ERVK3-1: variants seen among roughly 807,000 people sequenced by gnomAD.
ERVK3-1 encodes the protein HERV-K(HML6-1).
At chr19:58,306,000 A>T (rs1361253055) in intron 1 of ERVK3-1, 88 bp from the exon 2 acceptor site, 9 of 152,190 alleles carry the variant, frequency 5.9e-5, no homozygotes, top group Admixed American at 5.2e-4. Context: ...TGTTCCCTAG[A>T]ATCTAGGAGC....
downstream of ERVK3-1, among the ~76,000 whole-genome samples, chr19:58,315,934 G>A (rs1026250686): frequency 1.3e-5 from 2 of 152,194 alleles, no homozygotes; most frequent in African/African-American, 2.4e-5. Context: ...AAACAAACCT[G>A]TCTCTGCAAG....
At chr19:58,311,880 A>T (rs1477778922) in intron 2 of ERVK3-1, 1 of 238,090 alleles carries the variant, frequency 4.2e-6, no homozygotes, top group South Asian at 1.8e-4. Flanking sequence ...AGGGCCAGGC[A>T]TTATTGAGCG....
chr19:58,314,794 G>C, exon 4 of ERVK3-1: 1 of 400,118 alleles, frequency 2.5e-6, no homozygotes. Flanking sequence ...AAGCTGCACA[G>C]CCTGAAATTA....
Position 58,310,815 on chromosome 19 carries a change from AG to A in ERVK3-1, c.-3-1348del. ...AGCAGAGTCTTCTCTAACCTCCCCCAGGGAAAGGGAGACCGCCCCCCACCCT... is the reference window on the plus strand; with the variant it reads ...AGCAGAGTCTTCTCTAACCTCCCCCAGGAAAGGGAGACCGCCCCCCACCCT... On this transcript the variant is annotated intron_variant, in intron 2 of 3. Transcript: ENST00000413518. This position sits in a 1 kb window ranked among gnomAD's most constrained non-coding sequence, Gnocchi z 4.7. 2.8e-6 allele frequency: 1 copy of A among 355,696 alleles called. No homozygotes were observed. The highest frequency in any genetic ancestry group is 2.0e-5 in the South Asian group (1 of 49,060). The allele number at this position is 355,696 out of a possible 1,614,324, so 22.0% of individuals were successfully genotyped here.
Position 58,312,495 on chromosome 19 carries a change from T to G in ERVK3-1, c.294+33T>G. 1 of 399,866 alleles carries G rather than the reference T, an allele frequency of 2.5e-6. No homozygotes were observed. Among genetic ancestry groups the G allele is most frequent in the Non-Finnish European group, 4.4e-6 (1 of 226,054 alleles). The allele number at this position is 399,866 out of a possible 1,614,324, so 24.8% of individuals were successfully genotyped here. On this transcript the variant is annotated intron_variant, in intron 3 of 3. Transcript: ENST00000413518. The surrounding 1 kb of genome is among the most constrained non-coding windows in gnomAD (Gnocchi z 4.7). ...TCCCCTGTGTAGAGGCAAAAACATA[T>G]TGGGCATATGTTCCTAACCCACTGG...
Position 58,312,333 on chromosome 19 carries a change from A to T in ERVK3-1, c.165A>T (p.Thr55=). The change falls in exon 3 of 4, where the codon ACA becomes ACT. Residue 55 remains threonine, a synonymous_variant. Transcript: ENST00000413518. The surrounding 1 kb of genome is among the most constrained non-coding windows in gnomAD (Gnocchi z 4.7). ...AAGGGCCGACCGGAGTCACAATGAC[A>T]TCCAACCCCATAACATGGGGACAGA... The T allele has an allele frequency of 2.5e-6, 1 of 400,230 alleles. No individual in the cohort carries two copies. Among genetic ancestry groups the T allele is most frequent in the East Asian group, 3.6e-5 (1 of 28,070 alleles). The allele number at this position is 400,230 out of a possible 1,614,324, so 24.8% of individuals were successfully genotyped here.
intron 3 of ERVK3-1, among the ~76,000 whole-genome samples, chr19:58,314,403 GAT>G (rs1387764833): frequency 6.6e-6 from 1 of 152,030 alleles, no homozygotes; most frequent in Non-Finnish European, 1.5e-5. Flanking sequence ...GAGGCAGGCA[GAT>G]CACGAGGTCA....
At chr19:58,308,498 A>G (rs2051538289) in intron 2 of ERVK3-1, among the ~76,000 whole-genome samples, 1 of 152,200 alleles carries the variant, frequency 6.6e-6, no homozygotes, top group Admixed American at 6.6e-5. Flanking sequence ...GCTGAGATTT[A>G]CTTACAGCAT....
At position 58,313,586 on chromosome 19, in the gene ERVK3-1, C is replaced by T. The variant is rs536185448; in HGVS notation, c.294+1124C>T. On this transcript the variant is annotated intron_variant, in intron 3 of 3. Coordinates refer to ENST00000413518, the Ensembl canonical transcript of ERVK3-1. This position sits in a 1 kb window ranked among gnomAD's most constrained non-coding sequence, Gnocchi z 4.5. The stretch of plus-strand genomic sequence containing the variant: ...GATTACAGGCGTGAGCCACCATGCC[C>T]GGCCAGTTTGTGTTTTTAATCCCTA... Among the ~76,000 whole-genome samples the T allele has an allele frequency of 8.3e-4, 127 of 152,308 alleles. 1 individual carries two copies. Among genetic ancestry groups the T allele is most frequent in the African/African-American group, 2.8e-3 (116 of 41,570 alleles).
Position 58,310,574 on chromosome 19 carries a change from G to A in ERVK3-1, c.-3-1592G>A, listed in dbSNP as rs2051550408. 1 of 155,752 alleles carries A rather than the reference G, an allele frequency of 6.4e-6. No individual in the cohort carries two copies. The highest frequency in any genetic ancestry group is 6.5e-5 in the Admixed American group (1 of 15,456). The allele number at this position is 155,752 out of a possible 1,614,324, so 9.6% of individuals were successfully genotyped here. The stretch of plus-strand genomic sequence containing the variant: ...GAGAGGGAGAGGAGACAGAGAGAAA[G>A]ACAGCTTACGCCATTATTTCTGCAT... On this transcript the variant is annotated intron_variant, in intron 2 of 3. Transcript: ENST00000413518. This position sits in a 1 kb window ranked among gnomAD's most constrained non-coding sequence, Gnocchi z 4.7.
At chr19:58,307,725 A>T (rs1162768148) in intron 2 of ERVK3-1, among the ~76,000 whole-genome samples, 1 of 150,756 alleles carries the variant, frequency 6.6e-6, no homozygotes, top group Non-Finnish European at 1.5e-5. Flanking sequence ...TCAAAATTTC[A>T]TCAGAATGGC....
rs1218180420 is a variant in ERVK3-1, at chr19:58,312,935, C to T, written c.294+473C>T. On this transcript the variant is annotated intron_variant, in intron 3 of 3. Transcript: ENST00000413518. This position sits in a 1 kb window ranked among gnomAD's most constrained non-coding sequence, Gnocchi z 4.7. ...AATGGGAAACATTGACTGGGGTCCCCGTGGCCATTTAGAGGGGAGAGATGA... is the reference window on the plus strand; with the variant it reads ...AATGGGAAACATTGACTGGGGTCCCTGTGGCCATTTAGAGGGGAGAGATGA... The T allele has an allele frequency of 6.6e-6, 1 of 152,482 alleles. No individual in the cohort carries two copies. Among genetic ancestry groups the T allele is most frequent in the Non-Finnish European group, 1.5e-5 (1 of 68,248 alleles). 9.4% of individuals were successfully genotyped at this position (152,482 alleles called of 1,614,324 possible). A position where few individuals can be genotyped will look rare whatever the true frequency, so the allele number is the denominator to read the frequency against.
chr19:58,307,794 C>G (rs2051533960), intron 2 of ERVK3-1, among the ~76,000 whole-genome samples: 1 of 152,202 alleles, frequency 6.6e-6, no homozygotes, highest in Non-Finnish European at 1.5e-5. Flanking sequence ...AGGGCATTCC[C>G]CATCCAGGCC....
intron 2 of ERVK3-1, chr19:58,309,157 G>A (rs543867942): frequency 2.6e-5 from 4 of 152,242 alleles, no homozygotes; most frequent in East Asian, 1.9e-4. Flanking sequence ...ACAGTCCTAC[G>A]TTATGTCAGC....
chr19:58,306,014 CT>C (rs1218265917), intron 1 of ERVK3-1, 73 bp from the exon 2 acceptor site: 3 of 152,338 alleles, frequency 2.0e-5, no homozygotes, highest in South Asian at 2.1e-4. Context: ...TAGGAGCCCC[CT>C]GACCCCTTCT....
In ERVK3-1 at chr19:58,307,614, C is replaced by G. The variant is rs568947352; in HGVS notation, c.-4+1398C>G. On this transcript the variant is annotated intron_variant, in intron 2 of 3. Transcript: ENST00000413518. ...ATCTTACAATGCAATACCGCCCCCC[C>G]CTCCCCGCCCCGCTCCCCCCAACAC... is the stretch of plus-strand genomic sequence containing the variant. Among the ~76,000 whole-genome samples, 55 of 149,388 alleles carry G rather than the reference C, an allele frequency of 3.7e-4. 4 individuals carry two copies. Among genetic ancestry groups the G allele is most frequent in the Non-Finnish European group, 2.2e-4 (15 of 67,962 alleles).
chr19:58,306,705 A>G (rs1170959477), intron 2 of ERVK3-1: 1 of 152,270 alleles, frequency 6.6e-6, no homozygotes, highest in Non-Finnish European at 1.5e-5. Flanking sequence ...AGACCCCAGT[A>G]CAAAAAATTC....
intron 2 of ERVK3-1, among the ~76,000 whole-genome samples, chr19:58,307,146 C>T (rs1279773173): frequency 2.0e-5 from 3 of 152,224 alleles, no homozygotes; most frequent in Admixed American, 6.5e-5. Context: ...ACCATCAGTG[C>T]GCCTGGCCGC....
rs1193087529 is a variant in ERVK3-1 at position 58,312,711 on chromosome 19, A to G, written c.294+249A>G. On this transcript the variant is annotated intron_variant, in intron 3 of 3. Transcript: ENST00000413518. This position sits in a 1 kb window ranked among gnomAD's most constrained non-coding sequence, Gnocchi z 4.7. ...TGCAGCTGTCTTGCAGTCCAATCTC[A>G]GGCATGGTTAAGTCACCATGGAAAA... 6.6e-6 allele frequency among the ~76,000 whole-genome samples: 1 copy of G among 152,138 alleles called. No homozygotes were observed. Among genetic ancestry groups the G allele is most frequent in the African/African-American group, 2.4e-5 (1 of 41,420 alleles).
Sources: gnomAD v4.1 joint callset for allele counts (sites outside exome capture counted in the v4.1 genomes callset) on GRCh38, gnomAD v4.1.1 for gene constraint, Gnocchi (gnomAD v3.1) non-coding constraint, MANE v1.5 for transcripts, NCBI Gene and HGNC (gene_info 2026-07-23, HGNC 2026-07-21) for gene names.